CGGBP1: variants seen among roughly 807,000 people sequenced by gnomAD.
CGGBP1 encodes CGG triplet repeat-binding protein 1.
In CGGBP1, 4 loss-of-function variants were observed where a neutral mutation model predicts 11.4. The ratio of observed to expected loss-of-function variants is 0.35; its 90% confidence interval spans 0.17 to 0.80. CGGBP1 has a LOEUF of 0.80. Among genes scored for constraint, CGGBP1 ranks in the 30% least tolerant of loss-of-function variants. The pLI is 0.52. For synonymous variants in CGGBP1, 76 were observed against 74.1 expected, an observed-to-expected ratio of 1.03 and a Z score of -0.13; for missense variants, 135 against 202.1, an observed-to-expected ratio of 0.67 and a Z score of 2.01.
chr3:88,081,935 A>G lies in CGGBP1; in HGVS notation c.-228-23712T>C, dbSNP rs9863151. ...CAACTACGTTACAAATGAATAACAT[A>G]AGCATACTGAAGGGGGTAAGACTAA... On this transcript the variant is annotated intron_variant, in intron 2 of 3. Coordinates refer to the CGGBP1 transcript ENST00000462901. Among the ~76,000 whole-genome samples the G allele has an allele frequency of 8.5e-3, 1,294 of 152,322 alleles. 18 individuals carry two copies. Among genetic ancestry groups the G allele is most frequent in the African/African-American group, 0.03 (1,242 of 41,552 alleles).
chr3:88,068,302 T>C (rs1244937610), intron 2 of CGGBP1, among the ~76,000 whole-genome samples: 1 of 152,038 alleles, frequency 6.6e-6, no homozygotes, highest in Non-Finnish European at 1.5e-5. Context: ...TTAATTAACT[T>C]TGAGACAGAA....
rs1021341342 is a variant in CGGBP1, at chr3:88,052,813, C to A, written c.*2660G>T. On this transcript the variant is annotated 3_prime_UTR_variant, in exon 4 of 4. Coordinates refer to ENST00000482016, the MANE Select transcript of CGGBP1 (RefSeq NM_001008390.2). The stretch of plus-strand genomic sequence containing the variant: ...ATTTTCACCTTGTAAGAAATGATTA[C>A]AATGTCCTTCAGGCTTGTTATACAC... 32 of 152,516 alleles carry A rather than the reference C, an allele frequency of 2.1e-4. No individual in the cohort carries two copies. Among genetic ancestry groups the A allele is most frequent in the African/African-American group, 7.7e-4 (32 of 41,416 alleles). The allele number at this position is 152,516 out of a possible 1,614,324, so 9.4% of individuals were successfully genotyped here.
upstream of CGGBP1, chr3:88,059,266 C>G: frequency 6.5e-7 from 1 of 1,531,922 alleles, no homozygotes; most frequent in Non-Finnish European, 8.7e-7. Context: ...GCCTAGGCAT[C>G]TACGGCGGCG....
chr3:88,059,183 A>G, upstream of CGGBP1: 1 of 1,422,706 alleles, frequency 7.0e-7, no homozygotes, highest in South Asian at 1.5e-5. Context: ...CCGGAAGTAG[A>G]GCCCAGCCGA....
chr3:88,065,094 C>T (rs1386865345), intron 2 of CGGBP1, among the ~76,000 whole-genome samples: 2 of 152,112 alleles, frequency 1.3e-5, no homozygotes, highest in Non-Finnish European at 2.9e-5. Context: ...TTTTATTTCT[C>T]AATTGCAAAT....
chr3:88,104,105 T>C (rs1704597903), intron 2 of CGGBP1, among the ~76,000 whole-genome samples: 1 of 152,082 alleles, frequency 6.6e-6, no homozygotes, highest in Non-Finnish European at 1.5e-5. Flanking sequence ...GAGAGAGATG[T>C]ATGTAATCAA....
At chr3:88,139,032 G>A (rs1211254171) in intron 2 of CGGBP1, 6 of 1,242,816 alleles carry the variant, frequency 4.8e-6, no homozygotes, top group African/African-American at 1.6e-5. Flanking sequence ...TTGGAACTTC[G>A]TAATGATTAA....
chr3:88,065,803 T>G (rs1324079182), intron 2 of CGGBP1, among the ~76,000 whole-genome samples: 1 of 152,188 alleles, frequency 6.6e-6, no homozygotes, highest in African/African-American at 2.4e-5. Flanking sequence ...CTAGGCTCAC[T>G]GCAACCTCCC....
upstream of CGGBP1, among the ~76,000 whole-genome samples, chr3:88,060,302 C>T (rs183419711): frequency 7.9e-4 from 121 of 152,252 alleles, no homozygotes; most frequent in African/African-American, 2.9e-3. Context: ...AAATTATTTA[C>T]TCAGTCGACC....
At chr3:88,120,712 A>G (rs1042591012) in intron 2 of CGGBP1, among the ~76,000 whole-genome samples, 1 of 152,212 alleles carries the variant, frequency 6.6e-6, no homozygotes, top group Admixed American at 6.5e-5. Context: ...TTACTTACGC[A>G]CATGTACTCA....
intron 2 of CGGBP1, among the ~76,000 whole-genome samples, chr3:88,098,852 A>G (rs1439707551): frequency 1.3e-5 from 2 of 152,216 alleles, no homozygotes; most frequent in Non-Finnish European, 2.9e-5. Context: ...AATAAGAGCT[A>G]TCTATGACAA....
Position 88,126,152 on chromosome 3 carries a change from C to T in CGGBP1, c.-229+14818G>A, listed in dbSNP as rs141185743. On this transcript the variant is annotated intron_variant, in intron 2 of 3. Transcript: ENST00000462901. ...CTCCTAGGAATGCCAGAATCACCTCCGCAGATATGGAAATGTGAATCTGGA... is the reference window on the plus strand; with the variant it reads ...CTCCTAGGAATGCCAGAATCACCTCTGCAGATATGGAAATGTGAATCTGGA... The T allele has an allele frequency of 2.5e-3, 3,721 of 1,516,996 alleles. 70 individuals carry two copies. In the African/African-American group the frequency reaches 0.042, roughly 17 times the overall value. The allele number at this position is 1,516,996 out of a possible 1,614,324, so 94.0% of individuals were successfully genotyped here. A position where few individuals can be genotyped will look rare whatever the true frequency, so the allele number is the denominator to read the frequency against.
At chr3:88,112,474 A>C (rs966559849) in intron 2 of CGGBP1, among the ~76,000 whole-genome samples, 1 of 151,694 alleles carries the variant, frequency 6.6e-6, no homozygotes, top group African/African-American at 2.4e-5. Flanking sequence ...AATTATTAAG[A>C]GCACATAAAG....
intron 2 of CGGBP1, among the ~76,000 whole-genome samples, chr3:88,068,395 T>C (rs1356741727): frequency 6.6e-6 from 1 of 152,168 alleles, no homozygotes; most frequent in Non-Finnish European, 1.5e-5. Context: ...GTTGTATCAG[T>C]ACATATTAAT....
chr3:88,095,770 T>G (rs547813622), intron 2 of CGGBP1: 10 of 408,436 alleles, frequency 2.4e-5, no homozygotes, highest in Non-Finnish European at 3.7e-5. Flanking sequence ...ATCTTAAACT[T>G]TTTTGTAAAC....
chr3:88,109,142 AGTGTGTGTGTGTGTGTGTGTGTGT>A (rs35595112), intron 2 of CGGBP1, among the ~76,000 whole-genome samples: 3 of 142,434 alleles, frequency 2.1e-5, no homozygotes, highest in South Asian at 2.4e-4. Context: ...AGTGGGCACT[AGTGTGTGTGTGTGTGTGTGTGTGT>A]GTGTGTGTGT....
chr3:88,095,614 G>T (rs1704012633), intron 2 of CGGBP1: 2 of 517,166 alleles, frequency 3.9e-6, no homozygotes, highest in Non-Finnish European at 7.8e-6. Flanking sequence ...ATCTTTTCTG[G>T]TTCTAGTCTT....
intron 2 of CGGBP1, among the ~76,000 whole-genome samples, chr3:88,116,243 A>C (rs1335468577): frequency 6.6e-6 from 1 of 152,070 alleles, no homozygotes; most frequent in African/African-American, 2.4e-5. Flanking sequence ...TATATGGGCC[A>C]GGCATAGTGG....
intron 2 of CGGBP1, among the ~76,000 whole-genome samples, chr3:88,115,595 T>C (rs1705342069): frequency 6.6e-6 from 1 of 152,208 alleles, no homozygotes; most frequent in South Asian, 2.1e-4. Context: ...ATTATTTTCT[T>C]CCATGAATTT....
Sources: gnomAD v4.1 joint callset for allele counts (sites outside exome capture counted in the v4.1 genomes callset) on GRCh38, gnomAD v4.1.1 for gene constraint, MANE v1.5 for transcripts, NCBI Gene and HGNC (gene_info 2026-07-23, HGNC 2026-07-21) for gene names.